SFMBT2: variants seen among roughly 807,000 people sequenced by gnomAD.
SFMBT2 encodes the protein scm-like with four MBT domains protein 2.
Under a neutral mutation model 110.1 loss-of-function variants are expected in SFMBT2, and 38 were observed. That is an observed-to-expected ratio of 0.35 (90% confidence interval 0.27 to 0.45). SFMBT2 has a LOEUF of 0.45. SFMBT2 is among the 20% of genes least tolerant of loss of function. The pLI, the probability that SFMBT2 is intolerant of heterozygous loss-of-function variation, is 1.00. For missense variants in SFMBT2, 1,011 were observed against 1,094.9 expected, an observed-to-expected ratio of 0.92 and a Z score of 1.08; for synonymous variants, 425 against 425.4, an observed-to-expected ratio of 1.00 and a Z score of 0.01.
chr10:7,273,181 A>G (rs917638475), intron 7 of SFMBT2, among the ~76,000 whole-genome samples: 1 of 152,256 alleles, frequency 6.6e-6, no homozygotes, highest in African/African-American at 2.4e-5. Context: ...TGGATAAGAC[A>G]GACATTTTTA....
chr10:7,315,612 T>C (rs1842988571), intron 4 of SFMBT2, among the ~76,000 whole-genome samples: 1 of 152,160 alleles, frequency 6.6e-6, no homozygotes, highest in African/African-American at 2.4e-5. Flanking sequence ...TCAGCCTCCA[T>C]CATCACAGGA....
chr10:7,388,314 G>A (rs1253015879), intron 1 of SFMBT2, among the ~76,000 whole-genome samples: 3 of 149,122 alleles, frequency 2.0e-5, no homozygotes, highest in Non-Finnish European at 3.0e-5. Context: ...AAAAGATCAG[G>A]CAAACAAAGA....
At chr10:7,311,042 T>C (rs1030684273) in intron 4 of SFMBT2, among the ~76,000 whole-genome samples, 4 of 60,600 alleles carry the variant, frequency 6.6e-5, no homozygotes, top group Non-Finnish European at 9.6e-5. Flanking sequence ...AGAAACTCCA[T>C]CTCAAAAAAA....
At chr10:7,205,340 C>G in intron 12 of SFMBT2, 19 of 932,042 alleles carry the variant, frequency 2.0e-5, no homozygotes, top group Non-Finnish European at 2.3e-5. Flanking sequence ...ATTCTCCTGC[C>G]TTGGCCTCCC....
At chr10:7,387,735 A>T (rs916649822) in intron 1 of SFMBT2, among the ~76,000 whole-genome samples, 19 of 151,428 alleles carry the variant, frequency 1.3e-4, no homozygotes, top group African/African-American at 4.4e-4. Flanking sequence ...GTTTGAGACC[A>T]GCCTGGCCAA....
chr10:7,262,257 G>A (rs915230489), intron 7 of SFMBT2, among the ~76,000 whole-genome samples: 4 of 151,956 alleles, frequency 2.6e-5, no homozygotes, highest in South Asian at 2.1e-4. Flanking sequence ...GGGGATGGGG[G>A]AGCCACCTCC....
Position 7,356,871 on chromosome 10 carries a change from T to G in SFMBT2, c.436+10778A>C, listed in dbSNP as rs113051791. On this transcript the variant is annotated intron_variant, in intron 4 of 20. Coordinates refer to ENST00000397167, the MANE Select transcript of SFMBT2 (RefSeq NM_001387889.1). ...GAATTCAGATAAATCATGGTGGCCC[T>G]GCTGAGCAGCAGGCAGTGAGCCTAA... Among the ~76,000 whole-genome samples, 963 of 152,326 alleles carry G rather than the reference T, an allele frequency of 6.3e-3. 13 individuals carry two copies. Among genetic ancestry groups the G allele is most frequent in the African/African-American group, 0.022 (899 of 41,566 alleles).
chr10:7,355,641 T>C (rs1323612776), intron 4 of SFMBT2, among the ~76,000 whole-genome samples: 1 of 152,122 alleles, frequency 6.6e-6, no homozygotes, highest in Admixed American at 6.5e-5. Context: ...TGAAACCCCT[T>C]CTCTATTAAA....
intron 4 of SFMBT2, among the ~76,000 whole-genome samples, chr10:7,292,774 T>C (rs546748515): frequency 6.6e-6 from 1 of 152,272 alleles, no homozygotes; most frequent in East Asian, 1.9e-4. Flanking sequence ...CCCAGCACTT[T>C]AGGAGGCTGA....
intron 7 of SFMBT2, among the ~76,000 whole-genome samples, chr10:7,257,610 AAG>A (rs1285703963): frequency 6.6e-6 from 1 of 152,138 alleles, no homozygotes; most frequent in Non-Finnish European, 1.5e-5. Context: ...AGACAGGAGA[AAG>A]AGAAGACAGA....
intron 17 of SFMBT2, among the ~76,000 whole-genome samples, chr10:7,174,962 G>T (rs538399107): frequency 5.5e-4 from 84 of 152,184 alleles, no homozygotes; most frequent in African/African-American, 1.8e-3. Flanking sequence ...TGTGTGTGTT[G>T]TGTGTGTGTA....
In SFMBT2 at chr10:7,408,523, C is replaced by G. The variant is rs946609897; in HGVS notation, c.-52+2338G>C. ...TCCAGGCACCTGGCCGCTGCCAGAT[C>G]AGGTTCGCGGGCCCGGAGGAGGTCC... is the stretch of plus-strand genomic sequence containing the variant. On this transcript the variant is annotated intron_variant, in intron 1 of 20. Transcript: ENST00000397167. The surrounding 1 kb of genome is among the most constrained non-coding windows in gnomAD (Gnocchi z 5.7). 6.6e-6 allele frequency among the ~76,000 whole-genome samples: 1 copy of G among 152,238 alleles called. No individual in the cohort carries two copies. The highest frequency in any genetic ancestry group is 2.4e-5 in the African/African-American group (1 of 41,468).
chr10:7,246,089 A>ACCTACCC, intron 8 of SFMBT2: 1 of 931,730 alleles, frequency 1.1e-6, no homozygotes, highest in Non-Finnish European at 1.3e-6. Flanking sequence ...GTTCTAAAAG[A>ACCTACCC]CAGATGCACA....
intron 4 of SFMBT2, chr10:7,329,641 TCGTCTCTGCTCCACAATAACCGGGG>T: frequency 2.9e-6 from 1 of 343,384 alleles, no homozygotes; most frequent in Non-Finnish European, 4.1e-6. Context: ...CAAGGCAGGC[TCGTCTCTGCTCCACAATAACCGGGG>T]CCTTGGCTGG....
In SFMBT2 at chr10:7,170,163, G is replaced by A. The variant is rs576683357; in HGVS notation, c.2544+765C>T. On this transcript the variant is annotated intron_variant, in intron 20 of 20. Coordinates refer to ENST00000397167, the MANE Select transcript of SFMBT2 (RefSeq NM_001387889.1). This position sits in a 1 kb window ranked among gnomAD's most constrained non-coding sequence, Gnocchi z 4.6. ...AGAAAGGAGGGCAGACCGGCTAGGG[G>A]CCTGGGCCCCCAGCTGACAGCACAG... Among the ~76,000 whole-genome samples, 119 of 152,270 alleles carry A rather than the reference G, an allele frequency of 7.8e-4. No homozygotes were observed. Among genetic ancestry groups the A allele is most frequent in the Non-Finnish European group, 1.5e-3 (101 of 68,016 alleles).
At chr10:7,165,384 C>T (rs970290377) in intron 20 of SFMBT2, among the ~76,000 whole-genome samples, 3 of 152,106 alleles carry the variant, frequency 2.0e-5, no homozygotes, top group African/African-American at 7.2e-5. Flanking sequence ...ATATCTAAAG[C>T]AAAAAGGCAA....
chr10:7,218,950 A>G (rs1839633581), intron 11 of SFMBT2, among the ~76,000 whole-genome samples: 1 of 152,234 alleles, frequency 6.6e-6, no homozygotes, highest in South Asian at 2.1e-4. Context: ...GCATGCTGAA[A>G]GTAGAAACTG....
At position 7,385,804 on chromosome 10, in the gene SFMBT2, C is replaced by G. The variant is rs570670647; in HGVS notation, c.-51-3855G>C. Among the ~76,000 whole-genome samples, 654 of 152,166 alleles carry G rather than the reference C, an allele frequency of 4.3e-3. 5 individuals carry two copies. The highest frequency in any genetic ancestry group is 0.015 in the African/African-American group (608 of 41,518). On this transcript the variant is annotated intron_variant, in intron 1 of 20. Coordinates refer to ENST00000397167, the MANE Select transcript of SFMBT2 (RefSeq NM_001387889.1). ...CACGAGGTCAGGAGATCAAGACCAT[C>G]CTGGCTAACACGGTGAAACCCCGTC...
intron 4 of SFMBT2, among the ~76,000 whole-genome samples, chr10:7,339,967 T>G (rs1843838891): frequency 6.6e-6 from 1 of 152,114 alleles, no homozygotes; most frequent in Non-Finnish European, 1.5e-5. Flanking sequence ...AGACTCTCAT[T>G]ACGCAAATGA....
Sources: gnomAD v4.1 joint callset for allele counts (sites outside exome capture counted in the v4.1 genomes callset) on GRCh38, gnomAD v4.1.1 for gene constraint, Gnocchi (gnomAD v3.1) non-coding constraint, MANE v1.5 for transcripts, NCBI Gene and HGNC (gene_info 2026-07-23, HGNC 2026-07-21) for gene names.